ITIH5: variants seen among roughly 807,000 people sequenced by gnomAD.
ITIH5 encodes inter-alpha-trypsin inhibitor heavy chain H5.
A neutral mutation model predicts 77.5 loss-of-function variants in ITIH5; 65 were observed. The observed-to-expected ratio is 0.84, with a 90% confidence interval of 0.69 to 1.03. The LOEUF (loss-of-function observed/expected upper bound fraction) is 1.03, where lower values mean the gene tolerates loss of function less well. Ranked by LOEUF, ITIH5 falls within the 50% of genes least tolerant of loss-of-function variation. The pLI is 0.00. For missense variants in ITIH5, 1,208 were observed against 1,213.1 expected (o/e 1.00, Z 0.06); for synonymous variants, 525 against 494.3 (o/e 1.06, Z -0.82).
intron 2 of ITIH5, among the ~76,000 whole-genome samples, chr10:7,644,236 A>G (rs893419578): frequency 7.0e-6 from 1 of 142,218 alleles, no homozygotes; most frequent in East Asian, 2.0e-4. Flanking sequence ...AGACCCTGTC[A>G]CAGAAAAAAA....
intron 2 of ITIH5, among the ~76,000 whole-genome samples, chr10:7,642,630 G>A (rs1212316401): frequency 6.6e-6 from 1 of 152,192 alleles, no homozygotes; most frequent in Non-Finnish European, 1.5e-5. Context: ...ACTGAACTCA[G>A]CAGAGTATCT....
Position 7,562,907 on chromosome 10 carries a change from C to G in ITIH5, c.*176G>C. The G allele has an allele frequency of 1.9e-6, 1 of 523,822 alleles. No homozygotes were observed. The highest frequency in any genetic ancestry group is 3.6e-6 in the Non-Finnish European group (1 of 278,442). The allele number at this position is 523,822 out of a possible 1,614,324, so 32.4% of individuals were successfully genotyped here. On this transcript the variant is annotated 3_prime_UTR_variant, in exon 14 of 14. Coordinates refer to ENST00000397146, the MANE Select transcript of ITIH5 (RefSeq NM_030569.7). ...ACATTTGCACTCAGGCTTCCCGCCC[C>G]TACCCACCCCTACCCTTCGCCCAGA... is the stretch of plus-strand genomic sequence containing the variant.
rs182983016 is a variant in ITIH5, at chr10:7,665,133, T to C, written c.90+1670A>G. Among the ~76,000 whole-genome samples the C allele has an allele frequency of 2.4e-4, 37 of 152,334 alleles. No homozygotes were observed. The East Asian group carries it at 5.8e-3, about 24-fold the overall frequency. The stretch of plus-strand genomic sequence containing the variant: ...TAGTCATTTTCAAGATAAATAAATA[T>C]TGTGCTGGGTTGAAGACAGCATGAA... On this transcript the variant is annotated intron_variant, in intron 1 of 13. Transcript: ENST00000397146.
At chr10:7,583,946 A>G (rs1164617191) in intron 8 of ITIH5, among the ~76,000 whole-genome samples, 1 of 152,196 alleles carries the variant, frequency 6.6e-6, no homozygotes, top group Non-Finnish European at 1.5e-5. Flanking sequence ...GTGGGTGAAA[A>G]TAATGGCCAC....
At chr10:7,644,789 T>TCATATATATCATATATATCA (rs774664359) in intron 2 of ITIH5, among the ~76,000 whole-genome samples, 2 of 126,246 alleles carry the variant, frequency 1.6e-5, no homozygotes, top group East Asian at 2.1e-4. Flanking sequence ...CACATATATA[T>TCATATATATCATATATATCA]CATATATATC....
chr10:7,567,581 A>T (rs1050924108), intron 12 of ITIH5, among the ~76,000 whole-genome samples: 1 of 151,606 alleles, frequency 6.6e-6, no homozygotes, highest in Non-Finnish European at 1.5e-5. Flanking sequence ...GAGTGAGAAC[A>T]TGCGGTGTTT....
chr10:7,610,069 C>CTTT (rs5782989), intron 7 of ITIH5, among the ~76,000 whole-genome samples: 20 of 86,746 alleles, frequency 2.3e-4, no homozygotes, highest in South Asian at 1.7e-3. Flanking sequence ...TTTCTTTTTT[C>CTTT]TTTTTTTTTT....
Position 7,579,769 on chromosome 10 carries a change from G to T in ITIH5, c.1404C>A (p.Gly468=). Residue 468 remains glycine, a synonymous_variant, in exon 9 of 14, where the codon GGC becomes GGA. Transcript: ENST00000397146. ...AGACCACAGACCCGATGAGCTGCGAGCCTGCGTCCTCCTCCTCGTGCACGC... is the reference window on the plus strand; with the variant it reads ...AGACCACAGACCCGATGAGCTGCGATCCTGCGTCCTCCTCCTCGTGCACGC... ...TRRVHEEEDA[G]SQLIGFYDEI... is the part of the protein sequence containing the mutation. 1 of 1,613,528 alleles carries T rather than the reference G, an allele frequency of 6.2e-7. No individual in the cohort carries two copies.
rs576015885 is a variant in ITIH5, at chr10:7,566,844, G to GGAA, written c.2150-440_2150-438dup. Among the ~76,000 whole-genome samples the GGAA allele has an allele frequency of 8.9e-3, 158 of 17,784 alleles. 4 individuals carry two copies. The highest frequency in any genetic ancestry group is 0.026 in the East Asian group (7 of 266). The allele number at this position is 17,784 out of a possible 152,430, so 11.7% of individuals were successfully genotyped here. On this transcript the variant is annotated intron_variant, in intron 12 of 13. Coordinates refer to ENST00000397146, the MANE Select transcript of ITIH5 (RefSeq NM_030569.7). ...AGGAAGAGGAAGAGGAAGAGGAAGA[G>GGAA]GAAGAAGAAGAAGAAGAAGAAGAAG...
intron 2 of ITIH5, among the ~76,000 whole-genome samples, chr10:7,650,686 A>G (rs1419218684): frequency 1.3e-5 from 2 of 152,006 alleles, no homozygotes; most frequent in Non-Finnish European, 2.9e-5. Context: ...CAGTGAGCCA[A>G]GATAATGCCA....
At chr10:7,604,505 T>C (rs538933265) in intron 7 of ITIH5, among the ~76,000 whole-genome samples, 5 of 152,382 alleles carry the variant, frequency 3.3e-5, no homozygotes, top group Non-Finnish European at 7.3e-5. Flanking sequence ...CTGAGACTCT[T>C]AGATTGTGTC....
intron 2 of ITIH5, among the ~76,000 whole-genome samples, chr10:7,642,292 G>A (rs1833903152): frequency 6.6e-6 from 1 of 151,598 alleles, no homozygotes; most frequent in African/African-American, 2.4e-5. Context: ...TGGTTGTTTT[G>A]CATAAACAAT....
At chr10:7,612,292 A>G (rs981589227) in intron 7 of ITIH5, among the ~76,000 whole-genome samples, 18 of 152,190 alleles carry the variant, frequency 1.2e-4, no homozygotes, top group African/African-American at 4.3e-4. Flanking sequence ...TATATTAACT[A>G]TGCAAATTTA....
At chr10:7,603,643 G>C (rs1041675869) in intron 7 of ITIH5, among the ~76,000 whole-genome samples, 2 of 152,160 alleles carry the variant, frequency 1.3e-5, no homozygotes, top group Non-Finnish European at 2.9e-5. Context: ...GAGTGCAGTG[G>C]CGCGATCTTG....
intron 10 of ITIH5, among the ~76,000 whole-genome samples, chr10:7,574,642 A>C: frequency 6.6e-6 from 1 of 151,810 alleles, no homozygotes; most frequent in Non-Finnish European, 1.5e-5. Flanking sequence ...AAATACAAAA[A>C]ATTAGCCGGG....
At chr10:7,566,559 C>T (rs762126404) in intron 12 of ITIH5, 152 bp from the exon 13 acceptor site, 4 of 663,582 alleles carry the variant, frequency 6.0e-6, no homozygotes, top group Middle Eastern at 8.4e-4. Flanking sequence ...GACCCCATCT[C>T]TACTAAAAAT....
chr10:7,589,014 T>G (rs1048914425), intron 7 of ITIH5, among the ~76,000 whole-genome samples: 2 of 152,270 alleles, frequency 1.3e-5, no homozygotes, highest in African/African-American at 4.8e-5. Context: ...GGAGCCGAGA[T>G]GGCTCAGAGC....
chr10:7,640,940 G>A (rs1833876113), intron 3 of ITIH5, 85 bp from the exon 4 acceptor site: 3 of 896,328 alleles, frequency 3.3e-6, no homozygotes, highest in Middle Eastern at 2.1e-4. Flanking sequence ...ACAACCCCAG[G>A]AAATATTTTT....
At position 7,600,804 on chromosome 10, in the gene ITIH5, G is replaced by A. The variant is rs545169783; in HGVS notation, c.940-14735C>T. On this transcript the variant is annotated intron_variant, in intron 7 of 13. Transcript: ENST00000397146. ...TCATGGTTGGGATCAGTGCCCTTAT[G>A]AAAGACCCCAGTGAGCTAGCTAGCT... is the stretch of plus-strand genomic sequence containing the variant. 1.1e-4 allele frequency among the ~76,000 whole-genome samples: 16 copies of A among 152,232 alleles called. No homozygotes were observed. In the East Asian group the frequency reaches 1.4e-3, roughly 13 times the overall value.
Sources: allele counts gnomAD v4.1 joint callset (sites outside exome capture counted in the v4.1 genomes callset), GRCh38; gene constraint gnomAD v4.1.1; transcripts MANE v1.5; gene names NCBI Gene and HGNC (gene_info 2026-07-23, HGNC 2026-07-21).